The following DIDO1 variants were observed in gnomAD, a reference collection of about 807,000 sequenced individuals.
The protein encoded by DIDO1 is death-inducer obliterator 1.
In DIDO1, 16 loss-of-function variants were observed where a neutral mutation model predicts 99.4. The observed-to-expected ratio is 0.16, with a 90% CI of 0.11 to 0.24. The LOEUF (loss-of-function observed/expected upper bound fraction) is 0.24. DIDO1 is among the 10% of genes least tolerant of loss of function. The pLI is 1.00. For missense variants in DIDO1, 2,996 were observed against 3,014.0 expected (o/e 0.99, Z 0.14); for synonymous variants, 1,366 against 1,239.1 (o/e 1.10, Z -2.15).
At position 62,881,274 on chromosome 20, in the gene DIDO1, C is replaced by T. The variant is rs768988305; in HGVS notation, c.4682G>A (p.Arg1561Gln). 1.3e-5 allele frequency: 21 copies of T among 1,604,250 alleles called. No individual in the cohort carries two copies. Among genetic ancestry groups the T allele is most frequent in the Non-Finnish European group, 1.7e-5 (20 of 1,179,214 alleles). The change falls in exon 16 of 16, where the codon CGG becomes CAG. Residue 1561 changes from arginine to glutamine, a missense_variant. Transcript: ENST00000395343. The surrounding 1 kb of genome is among the most constrained non-coding windows in gnomAD (Gnocchi z 8.3). ...ASQASNHRDP[R>Q]QARRLATETG... ...CTCAGTGGCCAGGCGCCTCGCCTGC[C>T]GGGGGTCCCTGTGGTTTGACGCCTG...
intron 1 of DIDO1, among the ~76,000 whole-genome samples, chr20:62,920,764 G>A (rs1343366186): frequency 1.3e-5 from 2 of 152,156 alleles, no homozygotes; most frequent in South Asian, 2.1e-4. Context: ...GTTTGAATTC[G>A]GAAGGAGAAT....
At chr20:62,934,956 C>T (rs1359195324) in intron 1 of DIDO1, among the ~76,000 whole-genome samples, 1 of 152,200 alleles carries the variant, frequency 6.6e-6, no homozygotes, top group Admixed American at 6.5e-5. Context: ...GGACTTGATC[C>T]ACTCCTTGTC....
At chr20:62,904,807 A>AAAAAAAAAAAAAAAAAAAAT (rs1568859998) in intron 6 of DIDO1, among the ~76,000 whole-genome samples, 1 of 141,706 alleles carries the variant, frequency 7.1e-6, no homozygotes, top group Admixed American at 7.2e-5. Flanking sequence ...AAAAAAAAAA[A>AAAAAAAAAAAAAAAAAAAAT]GTGTCTTTTT....
In DIDO1 at chr20:62,894,311, G is replaced by A. The variant is rs557512447; in HGVS notation, c.2572+102C>T. 125 of 1,575,622 alleles carry A rather than the reference G, an allele frequency of 7.9e-5. No homozygotes were observed. The highest frequency in any genetic ancestry group is 1.0e-4 in the Non-Finnish European group (116 of 1,160,326). On this transcript the variant is annotated intron_variant, in intron 11 of 15. Transcript: ENST00000395343. This position sits in a 1 kb window ranked among gnomAD's most constrained non-coding sequence, Gnocchi z 4.4. ...CAGGAAATCATTCTGGCCCTTCTGC[G>A]TGTTTAAGCTTACGTGCGGTTGCTT...
rs755429322 is a variant in DIDO1, at chr20:62,881,009, G to A, written c.4947C>T (p.Asp1649=). The A allele has an allele frequency of 1.9e-6, 3 of 1,605,902 alleles. No homozygotes were observed. Among genetic ancestry groups the A allele is most frequent in the Non-Finnish European group, 2.5e-6 (3 of 1,178,652 alleles). ...GEGTRPATVG[D]SSARPARRVL... is the part of the protein sequence containing the mutation. ...CCCTCCGGGCAGGCCTGGCCGAGCTGTCTCCAACCGTGGCGGGGCGGGTGC... is the reference window on the plus strand; with the variant it reads ...CCCTCCGGGCAGGCCTGGCCGAGCTATCTCCAACCGTGGCGGGGCGGGTGC... Residue 1649 remains aspartate (D), a synonymous_variant, in exon 16 of 16, where the codon GAC becomes GAT. Transcript: ENST00000395343. This position sits in a 1 kb window ranked among gnomAD's most constrained non-coding sequence, Gnocchi z 8.3.
At chr20:62,884,788 C>G (rs1193920126) in intron 15 of DIDO1, among the ~76,000 whole-genome samples, 1 of 152,156 alleles carries the variant, frequency 6.6e-6, no homozygotes, top group East Asian at 1.9e-4. Context: ...CTGAGATTCC[C>G]AGCACCTCAC....
rs936059596 is a variant in DIDO1, at chr20:62,919,737, C to T, written c.-199-5331G>A. On this transcript the variant is annotated intron_variant, in intron 1 of 15. Transcript: ENST00000395343. The stretch of plus-strand genomic sequence containing the variant: ...GAGGACTAATGCTTTGGCCAGCCCC[C>T]GGCTACAGCCGGGCCGCCAAGCTCC... Among the ~76,000 whole-genome samples, 29 of 152,240 alleles carry T rather than the reference C, an allele frequency of 1.9e-4. 1 individual carries two copies. The highest frequency in any genetic ancestry group is 6.3e-4 in the African/African-American group (26 of 41,456).
rs146238251 is a variant in DIDO1 at position 62,893,871 on chromosome 20, G to T, written c.2896C>A (p.Arg966=). The part of the protein sequence containing the change: ...GVVTTVTVSG[R]DPRTAPSSSC... ...CTGCTTGGAGCGGTCCTGGGGTCCC[G>T]GCCGGACACTGTGACGGTGGTGACC... Residue 966 remains arginine (R), a synonymous_variant, in exon 12 of 16, where the codon CGG becomes AGG. Transcript: ENST00000395343. 2 of 1,612,508 alleles carry T rather than the reference G, an allele frequency of 1.2e-6. No individual in the cohort carries two copies. The highest frequency in any genetic ancestry group is 1.3e-5 in the African/African-American group (1 of 74,896).
chr20:62,913,828 A>C (rs1019635048), intron 2 of DIDO1, among the ~76,000 whole-genome samples: 1 of 152,264 alleles, frequency 6.6e-6, no homozygotes, highest in Non-Finnish European at 1.5e-5. Context: ...GCTCTAGTTT[A>C]TAAAACTGGG....
chr20:62,888,741 C>T (rs561977185), intron 15 of DIDO1: 9 of 985,352 alleles, frequency 9.1e-6, no homozygotes, highest in East Asian at 1.1e-4. Context: ...ATCTAGAAAA[C>T]GCCAAGTCAA....
intron 15 of DIDO1, chr20:62,887,869 C>G (rs2147373248): frequency 1.0e-6 from 1 of 985,520 alleles, no homozygotes; most frequent in East Asian, 1.1e-4. Context: ...GGCCTCCCAG[C>G]TGCCCCCCAC....
At chr20:62,886,529 G>T (rs986773991) in intron 15 of DIDO1, among the ~76,000 whole-genome samples, 2 of 152,158 alleles carry the variant, frequency 1.3e-5, no homozygotes, top group Non-Finnish European at 2.9e-5. Context: ...CAGGTGTGTC[G>T]CAACAGGGAC....
In DIDO1 at chr20:62,880,653, C is replaced by T. The variant is rs1156801834; in HGVS notation, c.5303G>A (p.Gly1768Asp). The change falls in exon 16 of 16, where the codon GGC becomes GAC. Residue 1768 changes from glycine (G) to aspartate (D), a missense_variant. This residue lies in a region of DIDO1 where 1,562 missense variants were observed against 1,412.6 expected (regional missense o/e 1.11). Transcript: ENST00000395343. Reference protein sequence around the residue: ...PHALGMSGLHGPNFPGPRGPA... With the variant: ...PHALGMSGLHDPNFPGPRGPA... Reference sequence around the variant, plus strand: ...CCCCCTTGGTCCCGGGAAATTGGGGCCGTGAAGCCCTGACATCCCCAAAGC... The same window carrying T: ...CCCCCTTGGTCCCGGGAAATTGGGGTCGTGAAGCCCTGACATCCCCAAAGC... The T allele has an allele frequency of 6.2e-7, 1 of 1,612,844 alleles. No individual in the cohort carries two copies.
chr20:62,930,890 A>C (rs566772821), upstream of DIDO1, among the ~76,000 whole-genome samples: 1 of 152,252 alleles, frequency 6.6e-6, no homozygotes, highest in Non-Finnish European at 1.5e-5. Flanking sequence ...TCTGGATGTT[A>C]TTCTCAGTTC....
intron 1 of DIDO1, among the ~76,000 whole-genome samples, chr20:62,931,925 G>A (rs193218475): frequency 6.6e-6 from 1 of 152,204 alleles, no homozygotes; most frequent in Non-Finnish European, 1.5e-5. Context: ...TCCTGCTCTT[G>A]CTTAGTTCAC....
chr20:62,879,083 C>G lies in DIDO1; in HGVS notation c.*150G>C, dbSNP rs185973248. Reference sequence around the variant, plus strand: ...CATCAGAATTGTAAAGATGTGAAATCTTGTAAGAAACCATTTACACAAAAT... The same window carrying G: ...CATCAGAATTGTAAAGATGTGAAATGTTGTAAGAAACCATTTACACAAAAT... On this transcript the variant is annotated 3_prime_UTR_variant, in exon 16 of 16. Coordinates refer to ENST00000395343, the MANE Select transcript of DIDO1 (RefSeq NM_001193369.2). The surrounding 1 kb of genome is among the most constrained non-coding windows in gnomAD (Gnocchi z 6.3). 14 of 643,212 alleles carry G rather than the reference C, an allele frequency of 2.2e-5. No individual in the cohort carries two copies. In the East Asian group the frequency reaches 4.0e-4, roughly 18 times the overall value. The allele number at this position is 643,212 out of a possible 1,614,324, so 39.8% of individuals were successfully genotyped here.
At chr20:62,932,030 C>A (rs2065336939) in intron 1 of DIDO1, among the ~76,000 whole-genome samples, 2 of 152,126 alleles carry the variant, frequency 1.3e-5, no homozygotes, top group Admixed American at 1.3e-4. Context: ...CAAAAGACAC[C>A]CAAATGGGAA....
At chr20:62,907,504 T>A in intron 4 of DIDO1, 145 bp from the exon 5 acceptor site, 1 of 815,330 alleles carries the variant, frequency 1.2e-6, no homozygotes, top group Non-Finnish European at 1.9e-6. Flanking sequence ...GAATAAACAT[T>A]TTGTTGATTC....
chr20:62,906,135 G>C, intron 5 of DIDO1, 35 bp from the exon 6 acceptor site: 1 of 1,585,868 alleles, frequency 6.3e-7, no homozygotes, highest in African/African-American at 1.4e-5. Flanking sequence ...TCATTAAAAA[G>C]GTAAGAAATC....
Sources: allele counts gnomAD v4.1 joint callset (sites outside exome capture counted in the v4.1 genomes callset), GRCh38; gene constraint gnomAD v4.1.1; regional missense constraint gnomAD v4.1.1; non-coding constraint Gnocchi (gnomAD v3.1); transcripts MANE v1.5; gene names NCBI Gene and HGNC (gene_info 2026-07-23, HGNC 2026-07-21).